Variants in ZNF626 observed in about 807,000 individuals in gnomAD.
The protein encoded by ZNF626 is zinc finger protein 626.
ZNF626 carries 4 observed loss-of-function variants against 11.7 expected under a neutral mutation model. The observed-to-expected ratio is 0.34, with a 90% CI of 0.17 to 0.78. The LOEUF (loss-of-function observed/expected upper bound fraction) is 0.78, where lower values mean the gene tolerates loss of function less well. Among genes scored for constraint, ZNF626 ranks in the 30% least tolerant of loss-of-function variants. The probability of loss-of-function intolerance (pLI) is 0.57; values close to 1 mark genes in which losing one functional copy is unlikely to be tolerated. For missense variants in ZNF626, 588 were observed against 587.1 expected (o/e 1.00, Z -0.01); for synonymous variants, 179 against 198.6 (o/e 0.90, Z 0.83).
At position 20,623,800 on chromosome 19, in the gene ZNF626, C is replaced by CAAA. The variant is rs58402205; in HGVS notation, c.*487_*489dup. ...GGTGACAAGAGTTGAAACTCCATCT[C>CAAA]AAAAAAAAAAAAAAAAAGACAGAAC... is the stretch of plus-strand genomic sequence containing the variant. On this transcript the variant is annotated 3_prime_UTR_variant, in exon 4 of 4. Transcript: ENST00000601440. 3.1e-4 allele frequency: 63 copies of CAAA among 200,006 alleles called. No individual in the cohort carries two copies. Among genetic ancestry groups the CAAA allele is most frequent in the South Asian group, 5.5e-4 (9 of 16,372 alleles). 12.4% of individuals were successfully genotyped at this position (200,006 alleles called of 1,614,324 possible).
At chr19:20,631,512 G>T (rs1280306808) in intron 3 of ZNF626, among the ~76,000 whole-genome samples, 1 of 151,142 alleles carries the variant, frequency 6.6e-6, no homozygotes, top group Non-Finnish European at 1.5e-5. Context: ...AGCTCTTCTT[G>T]TTGAATTGAT....
chr19:20,624,327 G>T lies in ZNF626; in HGVS notation c.1550C>A (p.Pro517His), dbSNP rs1256210562. Residue 517 changes from proline (P) to histidine (H), a missense_variant, in exon 4 of 4, where the codon CCT (proline) becomes CAT (histidine). Physicochemically the swap from Pro to His is moderately conservative, Grantham distance 77 (BLOSUM62 -2). This residue lies in a region of ZNF626 where 43 missense variants were observed against 38.0 expected (regional missense o/e 1.13). Transcript: ENST00000601440. ...NSTNVKNVAK[P>H]SSGPHTLLHI... ...TAGTAAGGTGTGAGGACCGCTTGAAGGCTTTGCCACATTCTTCACATTTGT... is the reference window on the plus strand; with the variant it reads ...TAGTAAGGTGTGAGGACCGCTTGAATGCTTTGCCACATTCTTCACATTTGT... 1 of 1,608,680 alleles carries T rather than the reference G, an allele frequency of 6.2e-7. No homozygotes were observed. Among genetic ancestry groups the T allele is most frequent in the Non-Finnish European group, 8.5e-7 (1 of 1,176,930 alleles).
At chr19:20,646,678 T>C (rs1555771944) in intron 1 of ZNF626, among the ~76,000 whole-genome samples, 1 of 152,224 alleles carries the variant, frequency 6.6e-6, no homozygotes, top group African/African-American at 2.4e-5. Context: ...ATGTAAATTT[T>C]TCAGTGCTAT....
At chr19:20,652,240 G>A (rs1223857129) in intron 1 of ZNF626, among the ~76,000 whole-genome samples, 1 of 149,572 alleles carries the variant, frequency 6.7e-6, no homozygotes, top group Non-Finnish European at 1.5e-5. Flanking sequence ...GAGTACAAAC[G>A]AAGGAGAGAT....
In ZNF626 at chr19:20,661,530, A is replaced by G. The variant is rs1555773703; in HGVS notation, c.-84T>C. 1.6e-6 allele frequency: 2 copies of G among 1,263,986 alleles called. No homozygotes were observed. Among genetic ancestry groups the G allele is most frequent in the African/African-American group, 3.0e-5 (1 of 33,610 alleles). 78.3% of individuals were successfully genotyped at this position (1,263,986 alleles called of 1,614,324 possible). A position where few individuals can be genotyped will look rare whatever the true frequency, so the allele number is the denominator to read the frequency against. On this transcript the variant is annotated 5_prime_UTR_variant, in exon 1 of 4. Coordinates refer to ENST00000601440, the MANE Select transcript of ZNF626 (RefSeq NM_001076675.3). ...ACGGGGCCACACAGCCTGGGCCTTT[A>G]GGAGAAGAACCAGACCTGGAGCTCT...
intron 3 of ZNF626, among the ~76,000 whole-genome samples, chr19:20,627,847 T>C (rs1018228367): frequency 1.4e-4 from 21 of 152,208 alleles, no homozygotes; most frequent in Admixed American, 1.2e-3. Flanking sequence ...GTTACATATG[T>C]ATACTTGTGC....
At chr19:20,629,617 T>C (rs1287566515) in intron 3 of ZNF626, among the ~76,000 whole-genome samples, 4 of 152,240 alleles carry the variant, frequency 2.6e-5, no homozygotes, top group African/African-American at 9.6e-5. Flanking sequence ...GTGATTTTTG[T>C]ACATTGATTT....
At position 20,622,507 on chromosome 19, in the gene ZNF626, C is replaced by G. The variant is rs1387466404; in HGVS notation, c.*1783G>C. The G allele has an allele frequency of 6.6e-6, 1 of 152,214 alleles. No individual in the cohort carries two copies. The highest frequency in any genetic ancestry group is 2.1e-4 in the South Asian group (1 of 4,820). 9.4% of individuals were successfully genotyped at this position (152,214 alleles called of 1,614,324 possible). A position where few individuals can be genotyped will look rare whatever the true frequency, so the allele number is the denominator to read the frequency against. On this transcript the variant is annotated 3_prime_UTR_variant, in exon 4 of 4. Transcript: ENST00000601440. ...CCAACTCATAAAGAATCTCTAATAT[C>G]TCTGATGCAGCAACAATTGATCACA...
chr19:20,625,107 T>A lies in ZNF626; in HGVS notation c.770A>T (p.Tyr257Phe), dbSNP rs1555769381. 6.2e-7 allele frequency: 1 copy of A among 1,613,198 alleles called. No individual in the cohort carries two copies. The highest frequency in any genetic ancestry group is 8.5e-7 in the Non-Finnish European group (1 of 1,179,808). Residue 257 changes from tyrosine to phenylalanine, a missense_variant, in exon 4 of 4, where the codon TAC becomes TTC. By Grantham distance (22) the Tyr-to-Phe change is conservative. This residue lies in a region of ZNF626 where 524 missense variants were observed against 470.1 expected (regional missense o/e 1.11). Coordinates refer to ENST00000601440, the MANE Select transcript of ZNF626 (RefSeq NM_001076675.3). The stretch of plus-strand genomic sequence containing the variant: ...GGCTTTGCCACATTTATCACACTTG[T>A]AGGGTTTCTCTCCAGTATGATTTCT... ...HKRNHTGEKP[Y>F]KCDKCGKAFM... is the part of the protein sequence containing the mutation.
At chr19:20,634,618 T>C (rs8112343) in intron 3 of ZNF626, among the ~76,000 whole-genome samples, 67,992 of 151,486 alleles carry the variant, frequency 0.45, 16,427 homozygotes, top group African/African-American at 0.64. Context: ...TTTGGGAGGC[T>C]GAGGTGGGTG....
At chr19:20,661,337 C>G (rs1374297394) in intron 1 of ZNF626, 107 bp downstream of exon 1, 1 of 1,431,552 alleles carries the variant, frequency 7.0e-7, no homozygotes, top group Non-Finnish European at 9.8e-7. Flanking sequence ...ACTGGGGGAG[C>G]AGACTGTGGA....
chr19:20,645,532 A>T, intron 3 of ZNF626, 152 bp downstream of exon 3: 1 of 1,559,552 alleles, frequency 6.4e-7, no homozygotes, highest in Non-Finnish European at 8.6e-7. Flanking sequence ...AAAAGAAAAA[A>T]CCAAACAAAC....
intron 3 of ZNF626, among the ~76,000 whole-genome samples, chr19:20,633,138 C>T (rs1249859296): frequency 2.0e-5 from 3 of 152,134 alleles, no homozygotes; most frequent in Non-Finnish European, 4.4e-5. Context: ...CTGATCGTTC[C>T]TCTGGAAGTT....
chr19:20,639,806 A>T (rs1317176578), intron 3 of ZNF626, among the ~76,000 whole-genome samples: 1 of 152,248 alleles, frequency 6.6e-6, no homozygotes, highest in Non-Finnish European at 1.5e-5. Context: ...AAACTGAATG[A>T]AACTAGGAAT....
chr19:20,640,277 A>T (rs1257807252), intron 3 of ZNF626, among the ~76,000 whole-genome samples: 1 of 148,890 alleles, frequency 6.7e-6, no homozygotes, highest in Non-Finnish European at 1.5e-5. Context: ...TTTAATTATT[A>T]AAAATAGTTT....
At chr19:20,660,651 T>G (rs1208543258) in intron 1 of ZNF626, among the ~76,000 whole-genome samples, 6 of 152,172 alleles carry the variant, frequency 3.9e-5, no homozygotes, top group African/African-American at 1.4e-4. Context: ...CTAGAACTCC[T>G]GACCACGTGA....
In ZNF626 at chr19:20,622,420, TTC is replaced by T. The variant is rs1555768838; in HGVS notation, c.*1868_*1869del. On this transcript the variant is annotated 3_prime_UTR_variant, in exon 4 of 4. Coordinates refer to ENST00000601440, the MANE Select transcript of ZNF626 (RefSeq NM_001076675.3). ...TACAATGAGCCTCTCCACTTATATT[TTC>T]GTCATGCATCTTACATTTTAATGTC... The T allele has an allele frequency of 2.6e-5, 4 of 152,146 alleles. No individual in the cohort carries two copies. Among genetic ancestry groups the T allele is most frequent in the Non-Finnish European group, 5.9e-5 (4 of 68,014 alleles). The allele number at this position is 152,146 out of a possible 1,614,324, so 9.4% of individuals were successfully genotyped here.
At position 20,624,104 on chromosome 19, in the gene ZNF626, G is replaced by T; in HGVS notation, c.*186C>A. 3.0e-6 allele frequency: 3 copies of T among 990,914 alleles called. No individual in the cohort carries two copies. Among genetic ancestry groups the T allele is most frequent in the Non-Finnish European group, 4.9e-6 (3 of 617,232 alleles). The allele number at this position is 990,914 out of a possible 1,614,324, so 61.4% of individuals were successfully genotyped here. On this transcript the variant is annotated 3_prime_UTR_variant, in exon 4 of 4. Coordinates refer to ENST00000601440, the MANE Select transcript of ZNF626 (RefSeq NM_001076675.3). Reference sequence around the variant, plus strand: ...TTACCACATTATTCACATCTGTAGGGTTTCTCTCCAGTATGAAATCTCTTA... The same window carrying T: ...TTACCACATTATTCACATCTGTAGGTTTTCTCTCCAGTATGAAATCTCTTA...
intron 1 of ZNF626, among the ~76,000 whole-genome samples, chr19:20,647,947 G>A (rs558741839): frequency 1.3e-5 from 2 of 152,108 alleles, no homozygotes; most frequent in Non-Finnish European, 2.9e-5. Context: ...TTGGGAGGCT[G>A]CGGCGGGAGG....
Sources: gnomAD v4.1 joint callset for allele counts (sites outside exome capture counted in the v4.1 genomes callset) on GRCh38, gnomAD v4.1.1 for gene constraint, gnomAD v4.1.1 regional missense constraint, MANE v1.5 for transcripts, NCBI Gene and HGNC (gene_info 2026-07-23, HGNC 2026-07-21) for gene names.